The following PLEKHG1 variants were observed in gnomAD, a reference collection of about 807,000 sequenced individuals.
PLEKHG1 encodes the protein pleckstrin homology domain-containing family G member 1.
PLEKHG1 carries 44 observed loss-of-function variants against 100.8 expected under a neutral mutation model. That is an observed-to-expected ratio of 0.44 (90% CI 0.34 to 0.56). PLEKHG1 has a LOEUF of 0.56. Ranked by LOEUF, PLEKHG1 falls within the 20% of genes least tolerant of loss-of-function variation. The pLI is 0.01. For synonymous variants in PLEKHG1, 640 were observed against 662.5 expected, an observed-to-expected ratio of 0.97 and a Z score of 0.52; for missense variants, 1,545 against 1,720.9, an observed-to-expected ratio of 0.90 and a Z score of 1.81.
chr6:150,645,743 T>C (rs530884313), intron 2 of PLEKHG1, among the ~76,000 whole-genome samples: 1 of 152,170 alleles, frequency 6.6e-6, no homozygotes, highest in Non-Finnish European at 1.5e-5. Flanking sequence ...GCACCAAGTG[T>C]TGGCCATAGT....
chr6:150,647,985 T>TA (rs962526521), intron 2 of PLEKHG1, among the ~76,000 whole-genome samples: 1 of 152,090 alleles, frequency 6.6e-6, no homozygotes. Context: ...TTTCTTTTTT[T>TA]AAAAAAGTAC....
chr6:150,712,744 GC>G (rs939799039), intron 3 of PLEKHG1, among the ~76,000 whole-genome samples: 4 of 152,212 alleles, frequency 2.6e-5, no homozygotes, highest in African/African-American at 9.6e-5. Flanking sequence ...TTGGCTGTCA[GC>G]TTGGATACCA....
intron 2 of PLEKHG1, among the ~76,000 whole-genome samples, chr6:150,737,745 A>T (rs149995225): frequency 1.3e-5 from 2 of 152,174 alleles, no homozygotes; most frequent in Admixed American, 6.5e-5. Context: ...CTGCTCATTG[A>T]CAGCCTACTA....
chr6:150,628,876 A>T (rs1417112769), intron 1 of PLEKHG1, among the ~76,000 whole-genome samples: 3 of 152,176 alleles, frequency 2.0e-5, no homozygotes. Flanking sequence ...TGCAAAGATA[A>T]TGAGGCTTTG....
Position 150,839,095 on chromosome 6 carries a change from G to C in PLEKHG1, c.3095-738G>C, listed in dbSNP as rs60364758. Among the ~76,000 whole-genome samples the C allele has an allele frequency of 6.5e-3, 982 of 152,132 alleles. 5 individuals are homozygous for C. Among genetic ancestry groups the C allele is most frequent in the African/African-American group, 0.018 (762 of 41,508 alleles). Reference sequence around the variant, plus strand: ...AGGGGTAGCCATTGCATTGTGGATTGTGGCCATGCTGCTTTTTTTGTTTGT... The same window carrying C: ...AGGGGTAGCCATTGCATTGTGGATTCTGGCCATGCTGCTTTTTTTGTTTGT... On this transcript the variant is annotated intron_variant, in intron 15 of 15. Transcript: ENST00000358517.
At chr6:150,619,546 G>A (rs1777208531) in intron 1 of PLEKHG1, among the ~76,000 whole-genome samples, 1 of 152,130 alleles carries the variant, frequency 6.6e-6, no homozygotes, top group Non-Finnish European at 1.5e-5. Flanking sequence ...ATTGAGTGTT[G>A]ACTGCTTTAT....
chr6:150,811,378 C>T (rs1485200078), intron 10 of PLEKHG1, among the ~76,000 whole-genome samples: 1 of 151,730 alleles, frequency 6.6e-6, no homozygotes, highest in East Asian at 1.9e-4. Flanking sequence ...CAAGACATCC[C>T]ACCACCTCAG....
chr6:150,820,289 C>G (rs1367486969), intron 12 of PLEKHG1, among the ~76,000 whole-genome samples: 1 of 152,048 alleles, frequency 6.6e-6, no homozygotes, highest in Admixed American at 6.6e-5. Flanking sequence ...CTTTGTACAT[C>G]TTACCATTGA....
chr6:150,658,276 G>T (rs1779046628), intron 3 of PLEKHG1, among the ~76,000 whole-genome samples: 1 of 152,198 alleles, frequency 6.6e-6, no homozygotes, highest in Admixed American at 6.5e-5. Flanking sequence ...TTAGAGTTAA[G>T]TAGGGTATTA....
At chr6:150,628,819 G>A (rs1225266802) in intron 1 of PLEKHG1, among the ~76,000 whole-genome samples, 1 of 152,168 alleles carries the variant, frequency 6.6e-6, no homozygotes, top group Non-Finnish European at 1.5e-5. Flanking sequence ...TAATTCACTG[G>A]TTAGAGAAGC....
At chr6:150,734,815 T>C (rs1003601444) in intron 2 of PLEKHG1, among the ~76,000 whole-genome samples, 1 of 152,202 alleles carries the variant, frequency 6.6e-6, no homozygotes, top group African/African-American at 2.4e-5. Context: ...AATTATTTCA[T>C]GTGAATTGAG....
At chr6:150,628,575 C>CACACACACACACACACACAT (rs754227842) in intron 1 of PLEKHG1, among the ~76,000 whole-genome samples, 3,768 of 137,288 alleles carry the variant, frequency 0.027, 247 homozygotes, top group South Asian at 0.035. Flanking sequence ...CACACACACA[C>CACACACACACACACACACAT]ACCCCGTCCT....
exon 15 of PLEKHG1, chr6:150,830,969 C>T (rs767274299): frequency 1.9e-6 from 3 of 1,613,820 alleles, no homozygotes; most frequent in Admixed American, 3.3e-5. Context: ...CACATGCCCT[C>T]CTGAAATAGG....
At chr6:150,719,865 A>G (rs56353121), upstream of PLEKHG1, among the ~76,000 whole-genome samples, 10,232 of 152,290 alleles carry the variant, frequency 0.067, 458 homozygotes, top group East Asian at 0.11. Flanking sequence ...AATTCCAACA[A>G]GTTGTCTTCT....
chr6:150,754,700 C>T lies in PLEKHG1; in HGVS notation c.412-13938C>T, dbSNP rs186942765. Among the ~76,000 whole-genome samples, 61 of 148,752 alleles carry T rather than the reference C, an allele frequency of 4.1e-4. 1 individual carries two copies. The East Asian group carries it at 0.012, about 29-fold the overall frequency. On this transcript the variant is annotated intron_variant, in intron 2 of 15. Transcript: ENST00000358517. ...TTTTTTTTTTTGAGATCGAGTTTCA[C>T]TGTCATTGCCCAGGCTGGAGGGCAA...
intron 3 of PLEKHG1, among the ~76,000 whole-genome samples, chr6:150,681,428 C>T (rs925371014): frequency 2.0e-5 from 3 of 151,628 alleles, no homozygotes; most frequent in Admixed American, 2.0e-4. Context: ...AGAGGAATCA[C>T]TTGAACCCAG....
chr6:150,599,925 C>T, exon 1 of PLEKHG1: 1 of 194,788 alleles, frequency 5.1e-6, no homozygotes, highest in Non-Finnish European at 1.1e-5. Context: ...GGCTGCAGGG[C>T]GCTCCGGCAG....
chr6:150,655,157 A>C (rs533966779), intron 3 of PLEKHG1, among the ~76,000 whole-genome samples: 1 of 152,350 alleles, frequency 6.6e-6, no homozygotes, highest in African/African-American at 2.4e-5. Context: ...CTCCTAGAGA[A>C]ATAGGAATGC....
chr6:150,680,285 A>G (rs1779888673), intron 3 of PLEKHG1, among the ~76,000 whole-genome samples: 1 of 152,238 alleles, frequency 6.6e-6, no homozygotes, highest in African/African-American at 2.4e-5. Context: ...TAGAGGTGGT[A>G]ATGATTTGAA....
Sources: gnomAD v4.1 joint callset for allele counts (sites outside exome capture counted in the v4.1 genomes callset) on GRCh38, gnomAD v4.1.1 for gene constraint, MANE v1.5 for transcripts, NCBI Gene and HGNC (gene_info 2026-07-23, HGNC 2026-07-21) for gene names.